Variants in DACH2 observed in about 807,000 individuals in gnomAD.
DACH2 encodes dachshund family transcription factor 2, also known as dachshund homolog 2.
DACH2 carries 17 observed loss-of-function variants against 35.8 expected under a neutral mutation model. The ratio of observed to expected loss-of-function variants is 0.48; its 90% CI spans 0.33 to 0.71. The LOEUF (loss-of-function observed/expected upper bound fraction) is 0.71, where lower values mean the gene tolerates loss of function less well. DACH2 is among the 30% of genes least tolerant of loss of function. The pLI, the probability that DACH2 is intolerant of heterozygous loss-of-function variation, is 0.02. For missense variants in DACH2, 469 were observed against 472.7 expected (o/e 0.99, Z 0.07); for synonymous variants, 195 against 177.3 (o/e 1.10, Z -0.79).
At chrX:86,310,861 T>A (rs2097473) in intron 1 of DACH2, among the ~76,000 whole-genome samples, 20,275 of 110,443 alleles carry the variant, frequency 0.18, 2,024 homozygotes, top group African/African-American at 0.35. Context: ...GTGGATAGGA[T>A]GACCCATTCT....
At chrX:86,412,629 A>C (rs927141097) in intron 2 of DACH2, among the ~76,000 whole-genome samples, 1 of 111,878 alleles carries the variant, frequency 8.9e-6, no homozygotes, top group Admixed American at 9.5e-5. Context: ...GGATACCATG[A>C]TGGTGGATAA....
chrX:86,205,381 C>T (rs552857383), intron 1 of DACH2, among the ~76,000 whole-genome samples: 1 of 104,869 alleles, frequency 9.5e-6, no homozygotes, highest in Non-Finnish European at 2.0e-5. Context: ...GGGTTGAGTT[C>T]TTTCCTTCCT....
intron 7 of DACH2, among the ~76,000 whole-genome samples, chrX:86,788,106 C>T (rs1197913063): frequency 9.0e-6 from 1 of 110,929 alleles, no homozygotes; most frequent in Non-Finnish European, 1.9e-5. Context: ...GGGCCGCATG[C>T]GCAGTTTACT....
At chrX:86,799,272 C>A (rs981111515) in intron 7 of DACH2, 2 of 162,660 alleles carry the variant, frequency 1.2e-5, no homozygotes, top group Non-Finnish European at 2.4e-5. Flanking sequence ...AGCCAGACCC[C>A]AAACTGTCCC....
chrX:86,753,012 T>A (rs1005034000), intron 7 of DACH2, among the ~76,000 whole-genome samples: 1 of 110,541 alleles, frequency 9.0e-6, no homozygotes, highest in Non-Finnish European at 1.9e-5. Flanking sequence ...TTTATTTCAA[T>A]ATAATCTCAA....
At chrX:86,696,688 A>G (rs1169119972) in intron 5 of DACH2, among the ~76,000 whole-genome samples, 1 of 111,914 alleles carries the variant, frequency 8.9e-6, no homozygotes, top group African/African-American at 3.2e-5. Flanking sequence ...TCCTGGTAGA[A>G]GCATTTAAAA....
chrX:86,247,086 AT>A (rs1427429308), intron 1 of DACH2, among the ~76,000 whole-genome samples: 3 of 112,111 alleles, frequency 2.7e-5, no homozygotes, highest in African/African-American at 9.7e-5. Flanking sequence ...AAAGACAGGC[AT>A]TATATAATGG....
chrX:86,526,393 A>G (rs965043680), intron 3 of DACH2, among the ~76,000 whole-genome samples: 3 of 111,898 alleles, frequency 2.7e-5, no homozygotes, highest in African/African-American at 9.7e-5. Flanking sequence ...TGCCATTTTA[A>G]TCAACCAAAG....
chrX:86,818,925 A>T (rs2042479662), intron 11 of DACH2, among the ~76,000 whole-genome samples: 1 of 109,058 alleles, frequency 9.2e-6, no homozygotes, highest in Admixed American at 1.0e-4. Flanking sequence ...TTTTATGGTA[A>T]TTTCCACATG....
At chrX:86,786,018 C>T (rs1243461612) in intron 7 of DACH2, among the ~76,000 whole-genome samples, 1 of 111,038 alleles carries the variant, frequency 9.0e-6, no homozygotes, top group Non-Finnish European at 1.9e-5. Flanking sequence ...GAATCTATAA[C>T]GTTATACATG....
chrX:86,254,807 T>TAGAGAGAG lies in DACH2; in HGVS notation c.488+105723_488+105730dup, dbSNP rs755869488. Among the ~76,000 whole-genome samples the TAGAGAGAG allele has an allele frequency of 5.4e-3, 267 of 49,626 alleles. 7 individuals are homozygous for TAGAGAGAG. Among genetic ancestry groups the TAGAGAGAG allele is most frequent in the East Asian group, 0.012 (15 of 1,209 alleles). 43.1% of individuals were successfully genotyped at this position (49,626 alleles called of 115,157 possible). A position where few individuals can be genotyped will look rare whatever the true frequency, so the allele number is the denominator to read the frequency against. ...ATATATATATATATATATATATATA[T>TAGAGAGAG]AGAGAGAGAGAGAGAGAGAGAGAGA... On this transcript the variant is annotated intron_variant, in intron 1 of 11. Transcript: ENST00000373125.
rs767618276 is a variant in DACH2, at chrX:86,768,548, T to TA, written c.1240+28667dup. Among the ~76,000 whole-genome samples, 31 of 111,928 alleles carry TA rather than the reference T, an allele frequency of 2.8e-4. No individual in the cohort carries two copies. The South Asian group carries it at 9.9e-3, about 36-fold the overall frequency. ...TCATGGATTTTTTTGTAGGGCCACT[T>TA]ACACTTATTATCATTGTAATGGTAA... is the stretch of plus-strand genomic sequence containing the variant. On this transcript the variant is annotated intron_variant, in intron 7 of 11. Transcript: ENST00000373125.
At chrX:86,564,824 A>G (rs1233356592) in intron 3 of DACH2, among the ~76,000 whole-genome samples, 1 of 111,449 alleles carries the variant, frequency 9.0e-6, no homozygotes, top group Admixed American at 9.6e-5. Context: ...TAAGCATTTT[A>G]TTGGCTTCAT....
chrX:86,795,004 G>A (rs1288561147), intron 7 of DACH2, among the ~76,000 whole-genome samples: 1 of 110,800 alleles, frequency 9.0e-6, no homozygotes, highest in Non-Finnish European at 1.9e-5. Context: ...CAAATATCTT[G>A]TCATTAGCCA....
At position 86,714,660 on chromosome X, in the gene DACH2, C is replaced by T; in HGVS notation, c.1044C>T (p.Asn348=). ...TGAACCATCTCAATACTATTGCCAA[C>T]ATGGCTGCTGCAGCACAGATTCACA... is the stretch of plus-strand genomic sequence containing the variant. ...NQMNHLNTIA[N]MAAAAQIHSP... Residue 348 remains asparagine (N), a synonymous_variant, in exon 6 of 12, where the codon AAC becomes AAT. Coordinates refer to ENST00000373125, the MANE Select transcript of DACH2 (RefSeq NM_053281.3). 8.3e-7 allele frequency: 1 copy of T among 1,207,971 alleles called. No homozygotes were observed. The highest frequency in any genetic ancestry group is 1.1e-6 in the Non-Finnish European group (1 of 892,816).
At chrX:86,307,311 T>G (rs1328089946) in intron 1 of DACH2, among the ~76,000 whole-genome samples, 1 of 111,848 alleles carries the variant, frequency 8.9e-6, no homozygotes, top group Non-Finnish European at 1.9e-5. Context: ...ACACAAGTTC[T>G]TATCATGAAA....
intron 1 of DACH2, among the ~76,000 whole-genome samples, chrX:86,307,708 A>T (rs1212784248): frequency 9.0e-6 from 1 of 111,288 alleles, no homozygotes; most frequent in Non-Finnish European, 1.9e-5. Context: ...CTATCACTAG[A>T]CTAAAGTCAT....
chrX:86,148,620 C>T lies in DACH2; in HGVS notation c.-1C>T, dbSNP rs1001541304. The T allele has an allele frequency of 1.7e-6, 2 of 1,161,797 alleles. No homozygotes were observed. Among genetic ancestry groups the T allele is most frequent in the Admixed American group, 5.1e-5 (2 of 39,073 alleles). The stretch of plus-strand genomic sequence containing the variant: ...GGACCCACGATAGAGACAGAGTGAC[C>T]ATGGCTGTCTCCGCATCTCCAGTGA... On this transcript the variant is annotated 5_prime_UTR_variant, in exon 1 of 12. Coordinates refer to ENST00000373125, the MANE Select transcript of DACH2 (RefSeq NM_053281.3).
intron 2 of DACH2, among the ~76,000 whole-genome samples, chrX:86,389,032 G>T (rs2148116007): frequency 9.0e-6 from 1 of 111,457 alleles, no homozygotes; most frequent in South Asian, 3.8e-4. Flanking sequence ...ACAGTACTAT[G>T]ACTTTACTGC....
Sources: gnomAD v4.1 joint callset for allele counts (sites outside exome capture counted in the v4.1 genomes callset) on GRCh38, gnomAD v4.1.1 for gene constraint, MANE v1.5 for transcripts, NCBI Gene and HGNC (gene_info 2026-07-23, HGNC 2026-07-21) for gene names.